The following ERBB4 variants were observed in gnomAD, a reference collection of about 807,000 sequenced individuals.
ERBB4 encodes receptor tyrosine-protein kinase erbB-4.
A neutral mutation model predicts 158.0 loss-of-function variants in ERBB4; 42 were observed. The ratio of observed to expected loss-of-function variants is 0.27; its 90% CI spans 0.21 to 0.34. The LOEUF is 0.34. ERBB4 is among the 10% of genes least tolerant of loss of function. ERBB4 has a pLI of 1.00. For synonymous variants in ERBB4, 583 were observed against 558.7 expected (o/e 1.04, Z -0.61); for missense variants, 1,333 against 1,624.1 (o/e 0.82, Z 3.08).
At chr2:211,922,535 T>G (rs1331530005) in intron 3 of ERBB4, among the ~76,000 whole-genome samples, 2 of 152,186 alleles carry the variant, frequency 1.3e-5, no homozygotes, top group Non-Finnish European at 2.9e-5. Flanking sequence ...TCCAAGGCAC[T>G]GTTAAATAGT....
intron 2 of ERBB4, among the ~76,000 whole-genome samples, chr2:212,119,636 G>A (rs1431288167): frequency 6.6e-6 from 1 of 152,074 alleles, no homozygotes; most frequent in Non-Finnish European, 1.5e-5. Context: ...TAATAAATAA[G>A]TTTTAGGGCC....
At chr2:211,997,619 C>T (rs764529354) in intron 2 of ERBB4, among the ~76,000 whole-genome samples, 15 of 151,986 alleles carry the variant, frequency 9.9e-5, no homozygotes, top group Non-Finnish European at 1.3e-4. Context: ...CAGTCTCTCA[C>T]ATACACACTT....
intron 25 of ERBB4, among the ~76,000 whole-genome samples, chr2:211,417,729 A>G (rs2063425412): frequency 6.6e-6 from 1 of 152,202 alleles, no homozygotes; most frequent in Non-Finnish European, 1.5e-5. Flanking sequence ...CATCAGCAGA[A>G]ATAATTTGCT....
chr2:211,488,042 C>T (rs1304764462), intron 20 of ERBB4, among the ~76,000 whole-genome samples: 1 of 151,762 alleles, frequency 6.6e-6, no homozygotes, highest in African/African-American at 2.4e-5. Context: ...TCATACCACA[C>T]AGAGTGCTTC....
intron 1 of ERBB4, among the ~76,000 whole-genome samples, chr2:212,351,212 A>G (rs1505361): frequency 0.98 from 149,407 of 152,190 alleles, 73,389 homozygotes; most frequent in Middle Eastern, 1. Context: ...AGACCCTAGG[A>G]ATGTGCAGGC....
intron 1 of ERBB4, among the ~76,000 whole-genome samples, chr2:212,218,283 G>C (rs2105945293): frequency 6.6e-6 from 1 of 151,382 alleles, no homozygotes; most frequent in Non-Finnish European, 1.5e-5. Context: ...TTTTCTATCA[G>C]GAGGCTTATT....
At chr2:211,457,734 C>G (rs2064419107) in intron 20 of ERBB4, among the ~76,000 whole-genome samples, 1 of 152,200 alleles carries the variant, frequency 6.6e-6, no homozygotes, top group Non-Finnish European at 1.5e-5. Flanking sequence ...TAATCCTCAA[C>G]TATAAAGGCA....
At chr2:212,015,997 T>C (rs1380602185) in intron 2 of ERBB4, among the ~76,000 whole-genome samples, 1 of 151,182 alleles carries the variant, frequency 6.6e-6, no homozygotes, top group Non-Finnish European at 1.5e-5. Flanking sequence ...TATCTATAAT[T>C]AGATTTTTAT....
chr2:211,839,377 C>G (rs969950573), intron 3 of ERBB4, among the ~76,000 whole-genome samples: 3 of 150,674 alleles, frequency 2.0e-5, no homozygotes, highest in Non-Finnish European at 3.0e-5. Flanking sequence ...AAAAAAAATA[C>G]TTGACCTCTA....
rs755859332 is a variant in ERBB4, at chr2:211,877,246, T to A, written c.421+70184A>T. Among the ~76,000 whole-genome samples the A allele has an allele frequency of 3.2e-4, 49 of 152,228 alleles. 1 individual carries two copies. Among genetic ancestry groups the A allele is most frequent in the Non-Finnish European group, 1.3e-4 (9 of 68,030 alleles). ...AAGCTCGAGTAGCCTTATTGGACTA[T>A]GGCAGAATTTATGTGCTGAGGTTGG... On this transcript the variant is annotated intron_variant, in intron 3 of 27. Transcript: ENST00000342788.
At chr2:211,699,757 A>T (rs1326687378) in intron 12 of ERBB4, among the ~76,000 whole-genome samples, 1 of 152,140 alleles carries the variant, frequency 6.6e-6, no homozygotes, top group Non-Finnish European at 1.5e-5. Context: ...GAAGCATAAC[A>T]CTGAAAGTTT....
intron 16 of ERBB4, among the ~76,000 whole-genome samples, chr2:211,650,724 G>A (rs1026539923): frequency 1.3e-5 from 2 of 152,090 alleles, no homozygotes; most frequent in African/African-American, 4.8e-5. Flanking sequence ...ATAAGTGATT[G>A]AAAGTATTCT....
chr2:211,403,525 C>T (rs1292142868), intron 25 of ERBB4, among the ~76,000 whole-genome samples: 1 of 152,104 alleles, frequency 6.6e-6, no homozygotes, highest in Admixed American at 6.6e-5. Flanking sequence ...AAACCTTTCA[C>T]CATGGACCCC....
At chr2:211,639,655 C>T (rs1013893396) in intron 16 of ERBB4, among the ~76,000 whole-genome samples, 4 of 152,206 alleles carry the variant, frequency 2.6e-5, no homozygotes, top group Non-Finnish European at 5.9e-5. Flanking sequence ...TAAGCATACA[C>T]ATTTCTGTCA....
At chr2:211,978,306 A>G (rs1458390410) in intron 2 of ERBB4, among the ~76,000 whole-genome samples, 1 of 152,072 alleles carries the variant, frequency 6.6e-6, no homozygotes, top group African/African-American at 2.4e-5. Context: ...AAACAGCCAA[A>G]CACAGACAAC....
chr2:212,486,733 C>G (rs557011812), intron 1 of ERBB4, among the ~76,000 whole-genome samples: 1 of 152,196 alleles, frequency 6.6e-6, no homozygotes, highest in East Asian at 1.9e-4. Flanking sequence ...GAAATATAAA[C>G]ACAACAGAGT....
intron 1 of ERBB4, among the ~76,000 whole-genome samples, chr2:212,490,364 T>C (rs941526010): frequency 6.6e-6 from 1 of 151,874 alleles, no homozygotes; most frequent in Non-Finnish European, 1.5e-5. Context: ...TGTTTCTCTT[T>C]CCCTCTGCTT....
chr2:212,395,371 G>A (rs547703449), intron 1 of ERBB4, among the ~76,000 whole-genome samples: 1 of 151,806 alleles, frequency 6.6e-6, no homozygotes, highest in Non-Finnish European at 1.5e-5. Context: ...TTGGCTGTGA[G>A]CTTATAAGCA....
chr2:211,563,785 A>C (rs2067472627), intron 19 of ERBB4, among the ~76,000 whole-genome samples: 2 of 137,368 alleles, frequency 1.5e-5, no homozygotes, highest in Non-Finnish European at 1.5e-5. Flanking sequence ...GAGATATATA[A>C]TATATGTATA....
Sources: gnomAD v4.1 joint callset for allele counts (sites outside exome capture counted in the v4.1 genomes callset) on GRCh38, gnomAD v4.1.1 for gene constraint, MANE v1.5 for transcripts, NCBI Gene and HGNC (gene_info 2026-07-23, HGNC 2026-07-21) for gene names.